The following BICRAL variants were observed in gnomAD, a reference collection of about 807,000 sequenced individuals.
The protein encoded by BICRAL is BRD4-interacting chromatin-remodeling complex-associated protein-like.
In BICRAL, 8 loss-of-function variants were observed where a neutral mutation model predicts 91.8. The observed-to-expected ratio is 0.09, with a 90% CI of 0.05 to 0.16. The LOEUF (loss-of-function observed/expected upper bound fraction) is 0.16. Among genes scored for constraint, BICRAL ranks in the 10% least tolerant of loss-of-function variants. The pLI, the probability that BICRAL is intolerant of heterozygous loss-of-function variation, is 1.00. For missense variants in BICRAL, 1,038 were observed against 1,310.9 expected, an observed-to-expected ratio of 0.79 and a Z score of 3.21; for synonymous variants, 445 against 491.1, an observed-to-expected ratio of 0.91 and a Z score of 1.24.
At chr6:42,788,605 C>CA (rs975829532) in intron 1 of BICRAL, among the ~76,000 whole-genome samples, 3 of 152,088 alleles carry the variant, frequency 2.0e-5, no homozygotes, top group African/African-American at 7.2e-5. Flanking sequence ...TGGCAGAAGA[C>CA]AAAGAATGGG....
At chr6:42,761,566 T>C (rs1762550276) in intron 1 of BICRAL, among the ~76,000 whole-genome samples, 1 of 152,212 alleles carries the variant, frequency 6.6e-6, no homozygotes. Context: ...TAAAGAAATA[T>C]ATACTTCTTT....
intron 1 of BICRAL, among the ~76,000 whole-genome samples, chr6:42,757,244 GT>G (rs897357545): frequency 4.9e-5 from 7 of 143,508 alleles, no homozygotes; most frequent in African/African-American, 1.3e-4. Context: ...TATATAAATA[GT>G]TTTTTTTTAA....
chr6:42,822,433 G>A (rs1313279692), intron 3 of BICRAL, among the ~76,000 whole-genome samples: 1 of 145,380 alleles, frequency 6.9e-6, no homozygotes, highest in Non-Finnish European at 1.5e-5. Context: ...TTTTTTTGTA[G>A]AGACAGGGTT....
upstream of BICRAL, among the ~76,000 whole-genome samples, chr6:42,779,721 C>T (rs979047982): frequency 1.3e-5 from 2 of 152,118 alleles, no homozygotes; most frequent in Admixed American, 6.6e-5. Context: ...CAATCTCAAG[C>T]GATTCTCGTG....
chr6:42,784,112 G>A (rs1053176142), intron 1 of BICRAL, among the ~76,000 whole-genome samples: 2 of 152,184 alleles, frequency 1.3e-5, no homozygotes, highest in African/African-American at 4.8e-5. Flanking sequence ...AAGGTGATGG[G>A]TTCCAGTTTT....
At position 42,843,374 on chromosome 6, in the gene BICRAL, A is replaced by T. The variant is rs964168077; in HGVS notation, c.1840-8718A>T. On this transcript the variant is annotated intron_variant, in intron 6 of 12. Transcript: ENST00000314073. ...ACCATGGTGCTGTGGGGAAAGGAAA[A>T]CACGTTTAGGTGAGGCGAGTAGGGT... 2.6e-5 allele frequency among the ~76,000 whole-genome samples: 4 copies of T among 152,218 alleles called. No homozygotes were observed. In the South Asian group the frequency reaches 6.2e-4, roughly 24 times the overall value.
Position 42,816,206 on chromosome 6 carries a change from G to GAAA in BICRAL, c.-5-5802_-5-5800dup, listed in dbSNP as rs11369661. On this transcript the variant is annotated intron_variant, in intron 2 of 12. Coordinates refer to ENST00000314073, the MANE Select transcript of BICRAL (RefSeq NM_001393499.1). ...GACCTCGTCTCTACCAAAAAAAAAT[G>GAAA]AAAAAAAAAAAAGTTCTAAGTATTT... is the stretch of plus-strand genomic sequence containing the variant. 5.7e-3 allele frequency among the ~76,000 whole-genome samples: 793 copies of GAAA among 139,292 alleles called. 4 individuals carry two copies. Among genetic ancestry groups the GAAA allele is most frequent in the African/African-American group, 0.018 (683 of 38,504 alleles). 91.4% of individuals were successfully genotyped at this position (139,292 alleles called of 152,430 possible).
rs1178786872 is a variant in BICRAL, at chr6:42,857,814, T to TC, written c.2254+578_2254+579insC. The stretch of plus-strand genomic sequence containing the variant: ...ATGCATACCCTGAATTTTTTTTTTT[T>TC]TTTTTTTTTTTTTGAGATGGAGTCT... On this transcript the variant is annotated intron_variant, in intron 10 of 12. Coordinates refer to ENST00000314073, the MANE Select transcript of BICRAL (RefSeq NM_001393499.1). 3.2e-5 allele frequency among the ~76,000 whole-genome samples: 4 copies of TC among 125,904 alleles called. 1 individual carries two copies. Among genetic ancestry groups the TC allele is most frequent in the Non-Finnish European group, 6.6e-5 (4 of 61,068 alleles). 82.6% of individuals were successfully genotyped at this position (125,904 alleles called of 152,430 possible).
At position 42,776,945 on chromosome 6, in the gene BICRAL, T is replaced by C. The variant is rs147534238; in HGVS notation, c.-260-4894T>C. Among the ~76,000 whole-genome samples the C allele has an allele frequency of 6.0e-3, 921 of 152,368 alleles. 1 individual carries two copies. Among genetic ancestry groups the C allele is most frequent in the Non-Finnish European group, 0.01 (714 of 68,036 alleles). On this transcript the variant is annotated intron_variant, in intron 1 of 14. Coordinates refer to the BICRAL transcript ENST00000614467. ...TAGACAGAGATATGCTAATTTCTTG[T>C]AGATCTTGTGGACTGGGCTATGTTG... is the stretch of plus-strand genomic sequence containing the variant.
chr6:42,752,328 T>C (rs1370580413), intron 1 of BICRAL, among the ~76,000 whole-genome samples: 1 of 152,196 alleles, frequency 6.6e-6, no homozygotes, highest in African/African-American at 2.4e-5. Flanking sequence ...TATTAAGCAC[T>C]AACTGTGCCC....
chr6:42,794,794 C>CA (rs1207429482), intron 1 of BICRAL, among the ~76,000 whole-genome samples: 15,062 of 95,168 alleles, frequency 0.16, 1,148 homozygotes, highest in South Asian at 0.22. Flanking sequence ...ACTAAAAATA[C>CA]AAAAAAAAAA....
At chr6:42,761,758 A>G (rs1762553094) in intron 1 of BICRAL, among the ~76,000 whole-genome samples, 1 of 151,288 alleles carries the variant, frequency 6.6e-6, no homozygotes, top group Non-Finnish European at 1.5e-5. Flanking sequence ...AAAAAATACC[A>G]AAAAAAATAG....
chr6:42,842,352 G>A (rs189941144), intron 6 of BICRAL, among the ~76,000 whole-genome samples: 71 of 152,200 alleles, frequency 4.7e-4, no homozygotes, highest in Non-Finnish European at 8.7e-4. Flanking sequence ...ATCTGCTTTC[G>A]TCCTCTTCCT....
upstream of BICRAL, among the ~76,000 whole-genome samples, chr6:42,781,235 G>A (rs981633415): frequency 2.0e-5 from 3 of 152,160 alleles, no homozygotes; most frequent in African/African-American, 7.2e-5. Context: ...TCTACATAAA[G>A]AGAAGGCAGT....
chr6:42,797,709 C>A (rs1415756992), intron 1 of BICRAL, among the ~76,000 whole-genome samples: 6 of 152,176 alleles, frequency 3.9e-5, no homozygotes, highest in African/African-American at 7.2e-5. Flanking sequence ...TGCAGTGACT[C>A]ATACCTGTAA....
chr6:42,804,022 T>C (rs1763642266), intron 1 of BICRAL, among the ~76,000 whole-genome samples: 1 of 152,100 alleles, frequency 6.6e-6, no homozygotes, highest in Admixed American at 6.6e-5. Context: ...TTGTGTTTGT[T>C]TGTTTGTTTG....
intron 1 of BICRAL, among the ~76,000 whole-genome samples, chr6:42,787,705 A>G (rs185406915): frequency 4.5e-4 from 69 of 152,290 alleles, no homozygotes; most frequent in Non-Finnish European, 6.9e-4. Context: ...AGAAATGTCT[A>G]TTTGGATTTG....
rs1057270479 is a variant in BICRAL at position 42,828,431 on chromosome 6, A to G, written c.160-62A>G. ...AAAAAAAAAAAGTAAAAGTAAGATT[A>G]ATTTTTATGCATCCTTTTCAAAGGT... On this transcript the variant is annotated intron_variant, in intron 5 of 12. Coordinates refer to ENST00000314073, the MANE Select transcript of BICRAL (RefSeq NM_001393499.1). 1.7e-5 allele frequency: 24 copies of G among 1,403,372 alleles called. No homozygotes were observed. The African/African-American group carries it at 3.0e-4, about 18-fold the overall frequency. The allele number at this position is 1,403,372 out of a possible 1,614,324, so 86.9% of individuals were successfully genotyped here. A position where few individuals can be genotyped will look rare whatever the true frequency, so the allele number is the denominator to read the frequency against.
intron 2 of BICRAL, among the ~76,000 whole-genome samples, chr6:42,813,989 T>C (rs1454206143): frequency 2.0e-5 from 3 of 152,130 alleles, no homozygotes; most frequent in Middle Eastern, 3.4e-3. Context: ...TCAGTAAAAA[T>C]AAAGTGACTG....
Sources: gnomAD v4.1 joint callset for allele counts (sites outside exome capture counted in the v4.1 genomes callset) on GRCh38, gnomAD v4.1.1 for gene constraint, MANE v1.5 for transcripts, NCBI Gene and HGNC (gene_info 2026-07-23, HGNC 2026-07-21) for gene names.